Variants in VAV3 observed in about 807,000 individuals in gnomAD.
VAV3 encodes the protein vav guanine nucleotide exchange factor 3, also known as guanine nucleotide exchange factor VAV3.
Under a neutral mutation model 131.2 loss-of-function variants are expected in VAV3, and 94 were observed. The observed-to-expected ratio is 0.72, with a 90% CI of 0.61 to 0.85. The LOEUF is 0.85. Among genes scored for constraint, VAV3 ranks in the 40% least tolerant of loss-of-function variants. VAV3 has a pLI of 0.00. For missense variants in VAV3, 939 were observed against 1,002.7 expected, an observed-to-expected ratio of 0.94 and a Z score of 0.86; for synonymous variants, 349 against 342.0, an observed-to-expected ratio of 1.02 and a Z score of -0.22.
chr1:107,598,544 C>T (rs890955933), intron 24 of VAV3, among the ~76,000 whole-genome samples: 4 of 151,866 alleles, frequency 2.6e-5, no homozygotes, highest in South Asian at 2.1e-4. Flanking sequence ...TTCCTTGGGC[C>T]CAGATAATGT....
intron 15 of VAV3, among the ~76,000 whole-genome samples, chr1:107,730,822 C>T (rs1008407659): frequency 7.2e-5 from 11 of 152,080 alleles, no homozygotes; most frequent in African/African-American, 2.4e-4. Flanking sequence ...GAAAAGGAAA[C>T]TTTCATCTTT....
intron 1 of VAV3, among the ~76,000 whole-genome samples, chr1:107,902,265 T>C (rs757915449): frequency 3.0e-4 from 45 of 152,310 alleles, no homozygotes; most frequent in African/African-American, 1.1e-3. Flanking sequence ...GTTTCTAAAG[T>C]GATTAAAAGG....
At chr1:107,673,830 G>T (rs1014890520) in intron 19 of VAV3, among the ~76,000 whole-genome samples, 2 of 152,148 alleles carry the variant, frequency 1.3e-5, no homozygotes, top group Admixed American at 6.5e-5. Context: ...TGTAACAAAA[G>T]TATACAGGGT....
intron 15 of VAV3, among the ~76,000 whole-genome samples, chr1:107,708,858 G>A (rs1660609869): frequency 1.3e-5 from 2 of 151,740 alleles, no homozygotes; most frequent in South Asian, 2.1e-4. Flanking sequence ...CTGAAATCAT[G>A]ACCAATTTCG....
chr1:107,772,456 C>T (rs570811982), intron 5 of VAV3, among the ~76,000 whole-genome samples: 39 of 152,058 alleles, frequency 2.6e-4, no homozygotes, highest in African/African-American at 9.2e-4. Context: ...ATTCTACTAC[C>T]ACCCTGCCAT....
At chr1:107,606,994 A>C in intron 22 of VAV3, among the ~76,000 whole-genome samples, 1 of 145,894 alleles carries the variant, frequency 6.9e-6, no homozygotes, top group Non-Finnish European at 1.5e-5. Flanking sequence ...TCACACTGTC[A>C]CCCGGGCTGG....
At chr1:107,684,961 C>A (rs1244766443) in intron 18 of VAV3, among the ~76,000 whole-genome samples, 1 of 152,128 alleles carries the variant, frequency 6.6e-6, no homozygotes. Flanking sequence ...TAATGATGGG[C>A]AACTTGCTAT....
At position 107,572,035 on chromosome 1, in the gene VAV3, G is replaced by C. The variant is rs1376626363; in HGVS notation, c.*1296C>G. 6.6e-6 allele frequency: 1 copy of C among 152,222 alleles called. No homozygotes were observed. The highest frequency in any genetic ancestry group is 6.5e-5 in the Admixed American group (1 of 15,280). 9.4% of individuals were successfully genotyped at this position (152,222 alleles called of 1,614,324 possible). On this transcript the variant is annotated 3_prime_UTR_variant, in exon 27 of 27. Coordinates refer to ENST00000370056, the MANE Select transcript of VAV3 (RefSeq NM_006113.5). ...GTCAGAACACAACTTCTGCTATGGA[G>C]GAAATATTTCCATCAGGAAAGGGCC...
chr1:107,769,919 A>G (rs550518654), intron 6 of VAV3, among the ~76,000 whole-genome samples: 1 of 152,184 alleles, frequency 6.6e-6, no homozygotes, highest in Non-Finnish European at 1.5e-5. Context: ...GATTAACACA[A>G]TTTTCTTCTA....
In VAV3 at chr1:107,572,106, C is replaced by G. The variant is rs892047097; in HGVS notation, c.*1225G>C. ...CTGCCTTGAATGGGGACTCTGGACC[C>G]CAGGAAGAATGTATTTAGGCTCCTC... On this transcript the variant is annotated 3_prime_UTR_variant, in exon 27 of 27. Coordinates refer to ENST00000370056, the MANE Select transcript of VAV3 (RefSeq NM_006113.5). 1 of 152,162 alleles carries G rather than the reference C, an allele frequency of 6.6e-6. No homozygotes were observed. Among genetic ancestry groups the G allele is most frequent in the African/African-American group, 2.4e-5 (1 of 41,410 alleles). The allele number at this position is 152,162 out of a possible 1,614,324, so 9.4% of individuals were successfully genotyped here. A position where few individuals can be genotyped will look rare whatever the true frequency, so the allele number is the denominator to read the frequency against.
intron 17 of VAV3, among the ~76,000 whole-genome samples, chr1:107,700,103 C>T (rs1660007871): frequency 6.6e-6 from 1 of 152,144 alleles, no homozygotes; most frequent in African/African-American, 2.4e-5. Context: ...AGTTAAACAG[C>T]TAGGAAGACT....
At chr1:107,674,056 CA>C (rs1325817757) in intron 19 of VAV3, among the ~76,000 whole-genome samples, 3 of 152,106 alleles carry the variant, frequency 2.0e-5, no homozygotes, top group African/African-American at 7.2e-5. Context: ...TGCAGTTATC[CA>C]AAAGCCAACA....
At chr1:107,960,001 G>C (rs6697852) in intron 1 of VAV3, among the ~76,000 whole-genome samples, 16,931 of 152,084 alleles carry the variant, frequency 0.11, 1,763 homozygotes, top group African/African-American at 0.28. Flanking sequence ...ATAAACCCCT[G>C]CTGGCTCCAT....
At chr1:107,808,993 C>T (rs1313879749) in intron 2 of VAV3, among the ~76,000 whole-genome samples, 1 of 152,028 alleles carries the variant, frequency 6.6e-6, no homozygotes, top group Non-Finnish European at 1.5e-5. Context: ...TTTATAACTT[C>T]CCTAGAAATA....
At chr1:107,928,483 G>A (rs1442412538) in intron 1 of VAV3, among the ~76,000 whole-genome samples, 1 of 152,176 alleles carries the variant, frequency 6.6e-6, no homozygotes, top group Non-Finnish European at 1.5e-5. Context: ...TAAAATAGCT[G>A]TTTTGAGGAA....
chr1:107,723,754 T>A (rs569572896), intron 15 of VAV3, among the ~76,000 whole-genome samples: 28 of 151,592 alleles, frequency 1.8e-4, no homozygotes, highest in African/African-American at 5.8e-4. Context: ...GATGATGTCT[T>A]CCATACTTCC....
chr1:107,625,423 T>C (rs905000378), intron 20 of VAV3, among the ~76,000 whole-genome samples: 2 of 151,974 alleles, frequency 1.3e-5, no homozygotes, highest in Non-Finnish European at 1.5e-5. Flanking sequence ...CATACCACCA[T>C]GCCTGGCTAA....
chr1:107,652,147 T>C lies in VAV3; in HGVS notation c.1778-9392A>G, dbSNP rs187072309. ...ATACAGGTCATAAAGACCTTGCTGA[T>C]AAAACAGATTGCAGTAAAGAAGCCG... is the stretch of plus-strand genomic sequence containing the variant. On this transcript the variant is annotated intron_variant, in intron 19 of 26. Coordinates refer to ENST00000370056, the MANE Select transcript of VAV3 (RefSeq NM_006113.5). Among the ~76,000 whole-genome samples the C allele has an allele frequency of 2.2e-4, 33 of 152,184 alleles. No individual in the cohort carries two copies. The East Asian group carries it at 5.4e-3, about 25-fold the overall frequency.
intron 1 of VAV3, among the ~76,000 whole-genome samples, chr1:107,876,088 G>A (rs1485407037): frequency 6.6e-6 from 1 of 152,164 alleles, no homozygotes; most frequent in Non-Finnish European, 1.5e-5. Context: ...GTCTTAGTAA[G>A]AGTGACCAGT....
Sources: gnomAD v4.1 joint callset for allele counts (sites outside exome capture counted in the v4.1 genomes callset) on GRCh38, gnomAD v4.1.1 for gene constraint, MANE v1.5 for transcripts, NCBI Gene and HGNC (gene_info 2026-07-23, HGNC 2026-07-21) for gene names.